The following GLT8D1 variants were observed in gnomAD, a reference collection of about 807,000 sequenced individuals.
GLT8D1 encodes the protein glycosyltransferase 8 domain-containing protein 1.
GLT8D1 carries 41 observed loss-of-function variants against 46.2 expected under a neutral mutation model. The observed-to-expected ratio is 0.89, with a 90% CI of 0.69 to 1.15. The LOEUF (loss-of-function observed/expected upper bound fraction) is 1.15. Ranked by LOEUF, GLT8D1 falls within the 50% of genes most tolerant of loss-of-function variation. The pLI, the probability that GLT8D1 is intolerant of heterozygous loss-of-function variation, is 0.00. For synonymous variants in GLT8D1, 150 were observed against 154.2 expected, an observed-to-expected ratio of 0.97 and a Z score of 0.20; for missense variants, 408 against 449.3, an observed-to-expected ratio of 0.91 and a Z score of 0.83.
intron 1 of GLT8D1, chr3:52,703,184 G>A (rs1220500523): frequency 6.6e-6 from 1 of 150,676 alleles, no homozygotes; most frequent in African/African-American, 2.4e-5. Context: ...CAGCACTTTG[G>A]GAGGCCAAGG....
intron 1 of GLT8D1, among the ~76,000 whole-genome samples, chr3:52,701,513 T>G (rs2097339376): frequency 6.6e-6 from 1 of 152,100 alleles, no homozygotes; most frequent in Non-Finnish European, 1.5e-5. Flanking sequence ...GGATTACAGG[T>G]GTGCGCCACC....
chr3:52,700,483 A>G lies in GLT8D1; in HGVS notation c.-23T>C, dbSNP rs1236731890. On this transcript the variant is annotated 5_prime_UTR_variant, in exon 2 of 10. Transcript: ENST00000266014. The stretch of plus-strand genomic sequence containing the variant: ...CATCTTTTTCTTCTGTCATATAAAT[A>G]TTAGTTTTTAACCCTACAAAACAAA... The G allele has an allele frequency of 1.9e-6, 3 of 1,563,960 alleles. No homozygotes were observed. Among genetic ancestry groups the G allele is most frequent in the Non-Finnish European group, 8.8e-7 (1 of 1,138,140 alleles).
intron 3 of GLT8D1, among the ~76,000 whole-genome samples, chr3:52,698,811 G>A (rs1381330024): frequency 6.6e-6 from 1 of 150,776 alleles, no homozygotes; most frequent in East Asian, 1.9e-4. Context: ...ATTGAACCCT[G>A]GTATTTACTA....
In GLT8D1 at chr3:52,694,854, G is replaced by T; in HGVS notation, c.1107C>A (p.Asn369Lys). 2 of 1,607,168 alleles carry T rather than the reference G, an allele frequency of 1.2e-6. No individual in the cohort carries two copies. Among genetic ancestry groups the T allele is most frequent in the Non-Finnish European group, 1.7e-6 (2 of 1,173,694 alleles). ...NLIRRYTEISNIK is the reference protein window; with the variant it reads ...NLIRRYTEISKIK ...CAGTTCAAATTCTGTTTCACTTTAT[G>T]TTTGAGATCTCGGTATATCTTCGGA... The change falls in exon 10 of 10, where the codon AAC (asparagine) becomes AAA (lysine). Residue 369 changes from asparagine (N) to lysine (K), a missense_variant. Transcript: ENST00000266014.
chr3:52,704,194 C>A (rs943557828), intron 1 of GLT8D1, among the ~76,000 whole-genome samples: 1 of 151,934 alleles, frequency 6.6e-6, no homozygotes, highest in African/African-American at 2.4e-5. Flanking sequence ...CGCGGTGGCT[C>A]ATGCCTGTAA....
chr3:52,702,181 G>A (rs2097339910), intron 1 of GLT8D1, among the ~76,000 whole-genome samples: 1 of 152,190 alleles, frequency 6.6e-6, no homozygotes. Context: ...TGGGAAAATT[G>A]TGTGCCTACC....
At chr3:52,698,020 T>G in intron 3 of GLT8D1, 86 bp from the exon 4 acceptor site, 1 of 827,830 alleles carries the variant, frequency 1.2e-6, no homozygotes, top group South Asian at 1.4e-5. Context: ...AAGGTAAGGA[T>G]TATGGTACTG....
intron 3 of GLT8D1, among the ~76,000 whole-genome samples, chr3:52,698,242 CAAAAG>C (rs2097335952): frequency 6.6e-6 from 1 of 152,108 alleles, no homozygotes; most frequent in Non-Finnish European, 1.5e-5. Flanking sequence ...GAAATATAAT[CAAAAG>C]AAAGAATTTT....
In GLT8D1 at chr3:52,700,339, A is replaced by C. The variant is rs144625501; in HGVS notation, c.38T>G (p.Leu13Arg). The C allele has an allele frequency of 6.2e-7, 1 of 1,613,636 alleles. No homozygotes were observed. The highest frequency in any genetic ancestry group is 1.3e-5 in the African/African-American group (1 of 75,066). Residue 13 changes from leucine to arginine, a missense_variant, in exon 3 of 10, where the codon CTG becomes CGG. Coordinates refer to ENST00000266014, the MANE Select transcript of GLT8D1 (RefSeq NM_018446.4). ...AACCAGTAAGAAGAGAGCAACAGCC[A>C]GGACCAAGATGATGATGTTTACTGA... ...FRKVNIIILV[L>R]AVALFLLVLH...
chr3:52,697,123 G>T (rs1342927968), intron 4 of GLT8D1, among the ~76,000 whole-genome samples: 3 of 152,192 alleles, frequency 2.0e-5, no homozygotes, highest in African/African-American at 7.2e-5. Context: ...AGAATTTACA[G>T]CTTTAAAAAC....
chr3:52,696,342 C>T (rs1174548434), intron 5 of GLT8D1, 24 bp from the exon 6 acceptor site: 1 of 1,463,362 alleles, frequency 6.8e-7, no homozygotes, highest in Admixed American at 1.7e-5. Flanking sequence ...GAATAATTGG[C>T]ATAGGATACC....
At chr3:52,701,373 G>A (rs1056743577) in intron 1 of GLT8D1, 4 of 151,128 alleles carry the variant, frequency 2.6e-5, no homozygotes, top group African/African-American at 9.7e-5. Context: ...GTTTATTTTA[G>A]TTTATTATTT....
At chr3:52,699,346 G>A (rs1275466020) in intron 3 of GLT8D1, among the ~76,000 whole-genome samples, 4 of 151,830 alleles carry the variant, frequency 2.6e-5, no homozygotes, top group Non-Finnish European at 5.9e-5. Context: ...GTGCAGTGGC[G>A]TGATCTTGGC....
chr3:52,700,198 T>C (rs1683643935), intron 3 of GLT8D1, 64 bp downstream of exon 3: 1 of 962,400 alleles, frequency 1.0e-6, no homozygotes, highest in Admixed American at 2.0e-5. Flanking sequence ...ACTTAGGATG[T>C]GTGACACAGA....
intron 1 of GLT8D1, chr3:52,703,601 G>A (rs985906425): frequency 1.3e-5 from 2 of 152,004 alleles, no homozygotes; most frequent in Non-Finnish European, 2.9e-5. Flanking sequence ...AAACGATCTT[G>A]CACTCAAATA....
chr3:52,704,410 G>A (rs760655794), intron 1 of GLT8D1, among the ~76,000 whole-genome samples: 3 of 136,744 alleles, frequency 2.2e-5, no homozygotes, highest in African/African-American at 5.4e-5. Context: ...AGTGAGCCGC[G>A]ATCGCACCAC....
chr3:52,695,740 C>T lies in GLT8D1; in HGVS notation c.646-153G>A, dbSNP rs376103494. On this transcript the variant is annotated intron_variant, in intron 7 of 9. Transcript: ENST00000266014. ...GTTAGAATAGGAACCTAGATGTTGA[C>T]ATAATAAACCAGATGTTCAAGAACA... The T allele has an allele frequency of 1.7e-5, 11 of 636,554 alleles. 1 individual carries two copies. The highest frequency in any genetic ancestry group is 5.9e-5 in the Admixed American group (2 of 33,652). The allele number at this position is 636,554 out of a possible 1,614,324, so 39.4% of individuals were successfully genotyped here.
chr3:52,695,278 C>T lies in GLT8D1; in HGVS notation c.837G>A (p.Leu279=). Residue 279 remains leucine (L), a synonymous_variant, in exon 9 of 10, where the codon CTG becomes CTA. Transcript: ENST00000266014. ...NVEEGLYSRT[L]AGSITTPPLL... is the part of the protein sequence containing the mutation. ...GAGGAGGTGTTGTGATGCTACCAGCCAGGGTTCTGCTATACAGTCCCTCTC... is the reference window on the plus strand; with the variant it reads ...GAGGAGGTGTTGTGATGCTACCAGCTAGGGTTCTGCTATACAGTCCCTCTC... The T allele has an allele frequency of 6.2e-7, 1 of 1,612,950 alleles. No individual in the cohort carries two copies. The highest frequency in any genetic ancestry group is 8.5e-7 in the Non-Finnish European group (1 of 1,179,366).
chr3:52,694,840 C>CTGTTTCACT lies in GLT8D1; in HGVS notation c.1112_*4dup. On this transcript the variant is annotated 3_prime_UTR_variant, in exon 10 of 10. Transcript: ENST00000266014. ...GAAATGCTTGCTTACAGTTCAAATT[C>CTGTTTCACT]TGTTTCACTTTATGTTTGAGATCTC... The CTGTTTCACT allele has an allele frequency of 6.3e-7, 1 of 1,598,136 alleles. No homozygotes were observed. Among genetic ancestry groups the CTGTTTCACT allele is most frequent in the African/African-American group, 1.3e-5 (1 of 74,744 alleles).
Sources: gnomAD v4.1 joint callset for allele counts (sites outside exome capture counted in the v4.1 genomes callset) on GRCh38, gnomAD v4.1.1 for gene constraint, MANE v1.5 for transcripts, NCBI Gene and HGNC (gene_info 2026-07-23, HGNC 2026-07-21) for gene names.